The following SEMA6A variants were observed in gnomAD, a reference collection of about 807,000 sequenced individuals.
SEMA6A encodes the protein semaphorin-6A.
A neutral mutation model predicts 96.8 loss-of-function variants in SEMA6A; 25 were observed. The ratio of observed to expected loss-of-function variants is 0.26; its 90% confidence interval spans 0.19 to 0.36. The LOEUF (loss-of-function observed/expected upper bound fraction) is 0.36. Among genes scored for constraint, SEMA6A ranks in the 10% least tolerant of loss-of-function variants. The pLI is 1.00. For synonymous variants in SEMA6A, 612 were observed against 518.0 expected, an observed-to-expected ratio of 1.18 and a Z score of -2.46; for missense variants, 1,363 against 1,323.1, an observed-to-expected ratio of 1.03 and a Z score of -0.47.
intron 1 of SEMA6A, among the ~76,000 whole-genome samples, chr5:116,511,168 G>A (rs1758385344): frequency 6.6e-6 from 1 of 152,096 alleles, no homozygotes; most frequent in African/African-American, 2.4e-5. Flanking sequence ...TATAGTTTTT[G>A]TATGTAACCT....
chr5:116,570,498 C>A (rs4920918), intron 1 of SEMA6A, among the ~76,000 whole-genome samples: 1 of 152,028 alleles, frequency 6.6e-6, no homozygotes, highest in East Asian at 1.9e-4. Context: ...TTGTCTAAAC[C>A]TAAAGAAGGG....
intron 6 of SEMA6A, among the ~76,000 whole-genome samples, chr5:116,492,036 T>G (rs1757354356): frequency 6.6e-6 from 1 of 152,148 alleles, no homozygotes. Context: ...GATGGTCAAA[T>G]CAGACATTCT....
intron 1 of SEMA6A, among the ~76,000 whole-genome samples, chr5:116,555,449 C>G (rs1326142822): frequency 6.6e-6 from 1 of 152,132 alleles, no homozygotes; most frequent in Non-Finnish European, 1.5e-5. Flanking sequence ...TCTGAAAATT[C>G]AGTTTATTGG....
At chr5:116,569,014 C>T (rs1326732939) in intron 1 of SEMA6A, among the ~76,000 whole-genome samples, 2 of 152,202 alleles carry the variant, frequency 1.3e-5, no homozygotes, top group Non-Finnish European at 2.9e-5. Flanking sequence ...ATGGATGGCC[C>T]ATGATGTGCC....
intron 15 of SEMA6A, 87 bp from the exon 16 acceptor site, chr5:116,475,690 A>AAATTG: frequency 1.1e-6 from 1 of 918,532 alleles, no homozygotes; most frequent in Non-Finnish European, 1.7e-6. Context: ...TAAAGACAGT[A>AAATTG]ACACAGTTTG....
intron 8 of SEMA6A, 67 bp downstream of exon 8, chr5:116,488,821 T>G: frequency 6.8e-7 from 1 of 1,476,420 alleles, no homozygotes; most frequent in Non-Finnish European, 9.0e-7. Context: ...CCCTCCAGAC[T>G]CTAAATCTCC....
chr5:116,478,347 T>G (rs1756573871), intron 13 of SEMA6A, 193 bp from the exon 14 acceptor site: 1 of 762,224 alleles, frequency 1.3e-6, no homozygotes, highest in Non-Finnish European at 2.1e-6. Flanking sequence ...CACACATATA[T>G]GTATCTATAT....
chr5:116,465,668 A>C (rs964714692), intron 18 of SEMA6A, among the ~76,000 whole-genome samples: 1 of 152,220 alleles, frequency 6.6e-6, no homozygotes, highest in Non-Finnish European at 1.5e-5. Flanking sequence ...CAAAGTGTTA[A>C]ATGGACTTTT....
At chr5:116,489,592 G>C (rs1437393157) in intron 7 of SEMA6A, among the ~76,000 whole-genome samples, 1 of 152,186 alleles carries the variant, frequency 6.6e-6, no homozygotes, top group East Asian at 1.9e-4. Flanking sequence ...TCGCAATCTG[G>C]TTTCAATAAC....
In SEMA6A at chr5:116,574,491, G is replaced by A. The variant is rs1173896028; in HGVS notation, c.-345C>T. 1 of 151,334 alleles carries A rather than the reference G, an allele frequency of 6.6e-6. No homozygotes were observed. The highest frequency in any genetic ancestry group is 2.4e-5 in the African/African-American group (1 of 41,108). 9.4% of individuals were successfully genotyped at this position (151,334 alleles called of 1,614,324 possible). A position where few individuals can be genotyped will look rare whatever the true frequency, so the allele number is the denominator to read the frequency against. On this transcript the variant is annotated 5_prime_UTR_variant, in exon 1 of 19. Coordinates refer to ENST00000343348, the MANE Select transcript of SEMA6A (RefSeq NM_020796.5). ...AAAACCAACAAGGAAGAGGGTAAATGTTCAAGAAACTCTTCTCCAAATCCA... is the reference window on the plus strand; with the variant it reads ...AAAACCAACAAGGAAGAGGGTAAATATTCAAGAAACTCTTCTCCAAATCCA...
chr5:116,523,215 C>G (rs1580471513), intron 1 of SEMA6A, among the ~76,000 whole-genome samples: 1 of 152,156 alleles, frequency 6.6e-6, no homozygotes, highest in African/African-American at 2.4e-5. Context: ...CTCCTCAGAG[C>G]TGAGTCTATT....
At chr5:116,463,403 G>A (rs1487696643) in intron 18 of SEMA6A, among the ~76,000 whole-genome samples, 2 of 152,162 alleles carry the variant, frequency 1.3e-5, no homozygotes, top group Admixed American at 6.5e-5. Context: ...GAGAATTATT[G>A]ATAACATCTG....
chr5:116,480,026 A>G (rs948305508), intron 12 of SEMA6A, 96 bp downstream of exon 12: 3 of 1,401,606 alleles, frequency 2.1e-6, no homozygotes, highest in Admixed American at 1.8e-5. Context: ...ATAGCAGAAG[A>G]TGTTTGTGGC....
chr5:116,487,024 A>C, intron 9 of SEMA6A, 58 bp from the exon 10 acceptor site: 2 of 1,246,488 alleles, frequency 1.6e-6, no homozygotes, highest in East Asian at 4.7e-5. Context: ...AGGAGATCTT[A>C]GTAGAATCTG....
chr5:116,571,397 A>G (rs939125017), intron 1 of SEMA6A, among the ~76,000 whole-genome samples: 1 of 152,226 alleles, frequency 6.6e-6, no homozygotes, highest in Admixed American at 6.5e-5. Context: ...AAAACCTAAC[A>G]TATGGGGAAG....
intron 18 of SEMA6A, among the ~76,000 whole-genome samples, chr5:116,460,788 T>C (rs1464442073): frequency 5.6e-5 from 6 of 107,018 alleles, no homozygotes; most frequent in Admixed American, 8.3e-5. Context: ...AATCTCTTTT[T>C]TTTTTTTTTT....
intron 1 of SEMA6A, among the ~76,000 whole-genome samples, chr5:116,510,782 A>G (rs1010000878): frequency 6.6e-6 from 1 of 152,080 alleles, no homozygotes; most frequent in Non-Finnish European, 1.5e-5. Flanking sequence ...GAGGCTGGAA[A>G]GTTTGTCTTG....
rs370978029 is a variant in SEMA6A at position 116,459,029 on chromosome 5, G to A, written c.1894+8554C>T. ...AGACTACATATAGATTCCTTTTCTCGTAGGTGACCAAGAAATATTAATATA... is the reference window on the plus strand; with the variant it reads ...AGACTACATATAGATTCCTTTTCTCATAGGTGACCAAGAAATATTAATATA... On this transcript the variant is annotated intron_variant, in intron 18 of 18. Transcript: ENST00000343348. 3.3e-5 allele frequency among the ~76,000 whole-genome samples: 5 copies of A among 152,170 alleles called. No homozygotes were observed. The East Asian group carries it at 7.7e-4, about 24-fold the overall frequency.
At chr5:116,459,681 C>T (rs1251523739) in intron 18 of SEMA6A, among the ~76,000 whole-genome samples, 3 of 152,102 alleles carry the variant, frequency 2.0e-5, no homozygotes, top group East Asian at 3.9e-4. Flanking sequence ...TTTCCTGTGT[C>T]CCCCACTTGG....
Sources: allele counts gnomAD v4.1 joint callset (sites outside exome capture counted in the v4.1 genomes callset), GRCh38; gene constraint gnomAD v4.1.1; transcripts MANE v1.5; gene names NCBI Gene and HGNC (gene_info 2026-07-23, HGNC 2026-07-21).